NAV2: variants seen among roughly 807,000 people sequenced by gnomAD.
NAV2 encodes the protein neuron navigator 2.
A neutral mutation model predicts 223.2 loss-of-function variants in NAV2; 54 were observed. The observed-to-expected ratio is 0.24, with a 90% CI of 0.19 to 0.30. The LOEUF is 0.30. NAV2 is among the 10% of genes least tolerant of loss of function. The pLI is 1.00. For missense variants in NAV2, 2,806 were observed against 3,147.5 expected (o/e 0.89, Z 2.60); for synonymous variants, 1,279 against 1,239.3 (o/e 1.03, Z -0.67).
At chr11:20,002,355 CT>C (rs2052629552) in intron 11 of NAV2, among the ~76,000 whole-genome samples, 1 of 152,110 alleles carries the variant, frequency 6.6e-6, no homozygotes, top group Non-Finnish European at 1.5e-5. Context: ...GGAGTGGAGC[CT>C]TTTTCAAAGA....
At chr11:19,842,947 T>C (rs755359080) in intron 3 of NAV2, 24 bp downstream of exon 3, 1 of 1,608,856 alleles carries the variant, frequency 6.2e-7, no homozygotes, top group Non-Finnish European at 8.5e-7. Flanking sequence ...AGGTAGTAAA[T>C]GTTTGAGTTC....
In NAV2 at chr11:19,791,892, G is replaced by C. The variant is rs746233335; in HGVS notation, c.268-40592G>C. 2.0e-5 allele frequency among the ~76,000 whole-genome samples: 3 copies of C among 152,134 alleles called. No individual in the cohort carries two copies. The East Asian group carries it at 5.8e-4, about 29-fold the overall frequency. On this transcript the variant is annotated intron_variant, in intron 1 of 37. Transcript: ENST00000349880. ...CTCTCCACCTAAGATGATTTTTAGA[G>C]GGGCTATATGGTAGACATGTGTGAG...
intron 11 of NAV2, among the ~76,000 whole-genome samples, chr11:19,985,133 C>T (rs1223603246): frequency 2.1e-5 from 3 of 145,192 alleles, no homozygotes; most frequent in Non-Finnish European, 4.5e-5. Flanking sequence ...TGTCAGAAAG[C>T]CAAATAGTAG....
At chr11:19,519,288 A>G (rs1402004128) in intron 1 of NAV2, among the ~76,000 whole-genome samples, 1 of 151,840 alleles carries the variant, frequency 6.6e-6, no homozygotes, top group Non-Finnish European at 1.5e-5. Flanking sequence ...TAAAATGATG[A>G]ACAAGGCAGG....
chr11:19,966,941 G>T (rs4447157), intron 10 of NAV2, among the ~76,000 whole-genome samples: 135,649 of 152,128 alleles, frequency 0.89, 60,685 homozygotes, highest in African/African-American at 0.94. Context: ...GAGAAAGGGG[G>T]TGATAGTAGG....
chr11:19,627,634 G>A (rs1296534128), intron 1 of NAV2, among the ~76,000 whole-genome samples: 2 of 152,084 alleles, frequency 1.3e-5, no homozygotes, highest in Non-Finnish European at 2.9e-5. Context: ...TTGTCATGTA[G>A]GTCCTTTGCC....
At chr11:19,936,614 T>A (rs1031439296) in intron 7 of NAV2, among the ~76,000 whole-genome samples, 1 of 152,146 alleles carries the variant, frequency 6.6e-6, no homozygotes, top group African/African-American at 2.4e-5. Context: ...AGCACCAGGA[T>A]ACGAATCAGG....
chr11:20,114,537 G>T, intron 36 of NAV2, 55 bp from the exon 37 acceptor site: 2 of 1,551,806 alleles, frequency 1.3e-6, no homozygotes, highest in Non-Finnish European at 1.8e-6. Flanking sequence ...CAAAACTGGG[G>T]CTACGAGAGA....
upstream of NAV2, among the ~76,000 whole-genome samples, chr11:19,349,137 CCTT>C (rs1564866726): frequency 1.3e-5 from 2 of 152,228 alleles, no homozygotes; most frequent in African/African-American, 4.8e-5. Context: ...TACAAGATAA[CCTT>C]CTGAACATTC....
chr11:19,400,769 C>T (rs985899737), intron 1 of NAV2, among the ~76,000 whole-genome samples: 1 of 152,196 alleles, frequency 6.6e-6, no homozygotes, highest in Non-Finnish European at 1.5e-5. Context: ...TAAATGATAG[C>T]TGCTGCTATT....
At chr11:19,667,980 C>T (rs1449478094) in intron 1 of NAV2, among the ~76,000 whole-genome samples, 1 of 152,110 alleles carries the variant, frequency 6.6e-6, no homozygotes, top group African/African-American at 2.4e-5. Flanking sequence ...TCTAAGGTCC[C>T]TTGCAGCCTG....
chr11:19,737,905 G>C lies in NAV2; in HGVS notation c.267+23943G>C, dbSNP rs138593297. Among the ~76,000 whole-genome samples, 349 of 152,320 alleles carry C rather than the reference G, an allele frequency of 2.3e-3. 4 individuals are homozygous for C. Among genetic ancestry groups the C allele is most frequent in the Admixed American group, 0.02 (307 of 15,304 alleles). On this transcript the variant is annotated intron_variant, in intron 1 of 37. Transcript: ENST00000349880. ...CTGATGGTGAAACCACTGACAATCT[G>C]ACAGCAAAGGAAGAGGGGACCAAAA...
chr11:19,581,079 T>C (rs1387910915), intron 1 of NAV2, among the ~76,000 whole-genome samples: 1 of 152,228 alleles, frequency 6.6e-6, no homozygotes, highest in Non-Finnish European at 1.5e-5. Context: ...CTGTGAGATG[T>C]CTGTTCATGT....
At chr11:19,960,628 T>TATTC (rs3044347) in intron 10 of NAV2, among the ~76,000 whole-genome samples, 1 of 150,148 alleles carries the variant, frequency 6.7e-6, no homozygotes, top group Non-Finnish European at 1.5e-5. Flanking sequence ...TTTATTTATT[T>TATTC]TTTGAGACAG....
rs75785770 is a variant in NAV2 at position 19,908,846 on chromosome 11, G to C, written c.931+16252G>C. 9.4e-3 allele frequency among the ~76,000 whole-genome samples: 1,436 copies of C among 152,108 alleles called. 34 individuals are homozygous for C. The highest frequency in any genetic ancestry group is 0.033 in the African/African-American group (1,390 of 41,510). On this transcript the variant is annotated intron_variant, in intron 6 of 37. Coordinates refer to ENST00000349880, the MANE Select transcript of NAV2 (RefSeq NM_145117.5). Reference sequence around the variant, plus strand: ...GATAGAGACAAAAAATAGATTTGTGGTTGCTAGGGCTGTGGGGTGGGAGTA... The same window carrying C: ...GATAGAGACAAAAAATAGATTTGTGCTTGCTAGGGCTGTGGGGTGGGAGTA...
At chr11:19,945,414 ACC>A (rs763223330) in intron 8 of NAV2, among the ~76,000 whole-genome samples, 2 of 146,874 alleles carry the variant, frequency 1.4e-5, no homozygotes, top group African/African-American at 5.1e-5. Context: ...ACTCTCTGTT[ACC>A]CAGGCTGGAT....
rs533854401 is a variant in NAV2, at chr11:20,097,520, T to C, written c.6013-57T>C. On this transcript the variant is annotated intron_variant, in intron 30 of 37. Coordinates refer to ENST00000349880, the MANE Select transcript of NAV2 (RefSeq NM_145117.5). Reference sequence around the variant, plus strand: ...ATAAATCACCCAGGGAAAACATGAGTCATGGGCAGATTTTAGCCACATCTT... The same window carrying C: ...ATAAATCACCCAGGGAAAACATGAGCCATGGGCAGATTTTAGCCACATCTT... 7 of 1,374,394 alleles carry C rather than the reference T, an allele frequency of 5.1e-6. No homozygotes were observed. In the South Asian group the frequency reaches 1.0e-4, roughly 20 times the overall value. The allele number at this position is 1,374,394 out of a possible 1,614,324, so 85.1% of individuals were successfully genotyped here.
chr11:19,697,388 A>G (rs1166478423), intron 1 of NAV2, among the ~76,000 whole-genome samples: 2 of 151,988 alleles, frequency 1.3e-5, no homozygotes, highest in African/African-American at 4.8e-5. Flanking sequence ...CACACAATTT[A>G]CCCATGTAAC....
chr11:19,737,805 C>T (rs181902247), intron 1 of NAV2, among the ~76,000 whole-genome samples: 6 of 152,296 alleles, frequency 3.9e-5, no homozygotes, highest in Admixed American at 1.3e-4. Flanking sequence ...ATTTCTGAGA[C>T]CTGAGCAGAT....
Sources: allele counts gnomAD v4.1 joint callset (sites outside exome capture counted in the v4.1 genomes callset), GRCh38; gene constraint gnomAD v4.1.1; transcripts MANE v1.5; gene names NCBI Gene and HGNC (gene_info 2026-07-23, HGNC 2026-07-21).